FAM161A: variants seen among roughly 807,000 people sequenced by gnomAD.
FAM161A encodes protein FAM161A.
A neutral mutation model predicts 70.9 loss-of-function variants in FAM161A; 57 were observed. The observed-to-expected ratio is 0.80, with a 90% CI of 0.65 to 1.00. FAM161A has a LOEUF of 1.00. FAM161A is among the 50% of genes least tolerant of loss of function. The pLI, the probability that FAM161A is intolerant of heterozygous loss-of-function variation, is 0.00. For missense variants in FAM161A, 880 were observed against 836.0 expected, an observed-to-expected ratio of 1.05 and a Z score of -0.65; for synonymous variants, 299 against 295.7, an observed-to-expected ratio of 1.01 and a Z score of -0.12.
chr2:61,803,216 T>C, the FAM161A span: 3 of 580,762 alleles, frequency 5.2e-6, no homozygotes, highest in South Asian at 1.5e-5. Context: ...CTAGCCAAAA[T>C]GTATAAGACC....
chr2:61,845,796 A>T (rs917430496), intron 1 of FAM161A, among the ~76,000 whole-genome samples: 1 of 147,370 alleles, frequency 6.8e-6, no homozygotes, highest in African/African-American at 2.5e-5. Flanking sequence ...CCTTGTATCA[A>T]GAAAAAAGAA....
intron 5 of FAM161A, 100 bp from the exon 6 acceptor site, chr2:61,827,358 C>A: frequency 8.3e-7 from 1 of 1,205,030 alleles, no homozygotes; most frequent in Non-Finnish European, 1.2e-6. Flanking sequence ...CGCCTGTAAT[C>A]CCAGTGCTTT....
At chr2:61,816,273 T>C in the FAM161A span, among the ~76,000 whole-genome samples, 2 of 152,146 alleles carry the variant, frequency 1.3e-5, no homozygotes, top group African/African-American at 4.8e-5. Flanking sequence ...CTTTATTTAT[T>C]ACCTTACATT....
At chr2:61,812,492 C>T in the FAM161A span, among the ~76,000 whole-genome samples, 8 of 152,040 alleles carry the variant, frequency 5.3e-5, no homozygotes, top group South Asian at 2.1e-4. Context: ...GAGGCCAAGG[C>T]GGGTGGATCA....
the FAM161A span, chr2:61,803,217 G>A: frequency 6.8e-6 from 4 of 585,652 alleles, no homozygotes; most frequent in African/African-American, 5.6e-5. Context: ...TAGCCAAAAT[G>A]TATAAGACCA....
chr2:61,817,275 G>A, the FAM161A span, among the ~76,000 whole-genome samples: 4 of 152,036 alleles, frequency 2.6e-5, no homozygotes, highest in East Asian at 1.9e-4. Flanking sequence ...ACAGACAAGC[G>A]GCTTTAAAAG....
chr2:61,818,706 T>C, the FAM161A span, among the ~76,000 whole-genome samples: 1 of 152,154 alleles, frequency 6.6e-6, no homozygotes, highest in Non-Finnish European at 1.5e-5. Context: ...TCAGCTAATA[T>C]AGAACACATA....
At chr2:61,801,936 A>T in the FAM161A span, among the ~76,000 whole-genome samples, 2 of 152,202 alleles carry the variant, frequency 1.3e-5, no homozygotes, top group South Asian at 2.1e-4. Flanking sequence ...TAAAAAACAA[A>T]ACAAACACAA....
intron 5 of FAM161A, among the ~76,000 whole-genome samples, chr2:61,834,969 TC>T (rs1672719278): frequency 6.6e-6 from 1 of 152,060 alleles, no homozygotes; most frequent in South Asian, 2.1e-4. Flanking sequence ...AAATGATTTT[TC>T]CCCCTAAAGT....
At chr2:61,806,928 A>C in the FAM161A span, among the ~76,000 whole-genome samples, 183 of 152,086 alleles carry the variant, frequency 1.2e-3, no homozygotes, top group African/African-American at 4.2e-3. Context: ...TCCTGACCTC[A>C]TGATCCACCT....
the FAM161A span, among the ~76,000 whole-genome samples, chr2:61,806,117 C>T: frequency 6.6e-6 from 1 of 152,004 alleles, no homozygotes; most frequent in African/African-American, 2.4e-5. Flanking sequence ...ATTCAGGAGG[C>T]TGAGGCAGGA....
intron 1 of FAM161A, among the ~76,000 whole-genome samples, chr2:61,843,319 G>T (rs892231812): frequency 6.6e-6 from 1 of 152,096 alleles, no homozygotes. Flanking sequence ...TAGAGACGGG[G>T]TTTCACCATG....
intron 3 of FAM161A, 57 bp from the exon 4 acceptor site, chr2:61,838,762 C>A: frequency 7.7e-7 from 1 of 1,305,264 alleles, no homozygotes; most frequent in South Asian, 2.3e-5. Flanking sequence ...TGTTGTTTAG[C>A]AAAGATTTAA....
At chr2:61,830,108 T>C (rs1438804126) in intron 5 of FAM161A, among the ~76,000 whole-genome samples, 1 of 152,214 alleles carries the variant, frequency 6.6e-6, no homozygotes, top group East Asian at 1.9e-4. Context: ...AATGGATGAT[T>C]GTCCCTGTTA....
At position 61,837,667 on chromosome 2, in the gene FAM161A, G is replaced by A. The variant is rs567863292; in HGVS notation, c.1751+871C>T. Among the ~76,000 whole-genome samples the A allele has an allele frequency of 7.2e-4, 109 of 152,286 alleles. 1 individual carries two copies. The highest frequency in any genetic ancestry group is 2.2e-3 in the African/African-American group (91 of 41,568). ...ACCTGTAATCCCAGCTACTCTGTAA[G>A]CTGAGGCAGGAGAATCGCTTGAACT... On this transcript the variant is annotated intron_variant, in intron 4 of 6. Transcript: ENST00000404929.
intron 1 of FAM161A, among the ~76,000 whole-genome samples, chr2:61,848,838 T>TTTATATATATATATTTA (rs1558491464): frequency 4.0e-5 from 1 of 25,240 alleles, no homozygotes; most frequent in Non-Finnish European, 7.7e-5. Flanking sequence ...CTATATATAT[T>TTTATATATATATATTTA]TATATATATA....
At position 61,839,474 on chromosome 2, in the gene FAM161A, GTTACA is replaced by G. The variant is rs766501113; in HGVS notation, c.1525_1529del (p.Cys509LeufsTer22). 1 of 1,614,214 alleles carries G rather than the reference GTTACA, an allele frequency of 6.2e-7. No individual in the cohort carries two copies. Among genetic ancestry groups the G allele is most frequent in the Admixed American group, 1.7e-5 (1 of 60,024 alleles). ...ATACCGTGGGCACGGGAGGGTTGCA[GTTACA>G]AGGCACAGGGTTTACACCTGCACAT... On this transcript the variant is annotated frameshift_variant, in exon 3 of 7. Coordinates refer to ENST00000404929, the MANE Select transcript of FAM161A (RefSeq NM_001201543.2). LOFTEE classifies it high-confidence loss of function.
At chr2:61,806,186 C>T in the FAM161A span, among the ~76,000 whole-genome samples, 1 of 151,914 alleles carries the variant, frequency 6.6e-6, no homozygotes, top group Non-Finnish European at 1.5e-5. Flanking sequence ...CTACTGCACT[C>T]AAGCCTGGGC....
At chr2:61,819,885 TGAGA>T (rs1352273141), downstream of FAM161A, among the ~76,000 whole-genome samples, 5 of 152,200 alleles carry the variant, frequency 3.3e-5, no homozygotes, top group Non-Finnish European at 7.4e-5. Flanking sequence ...GTTATTTGCT[TGAGA>T]AAGGCTCATT....
Sources: gnomAD v4.1 joint callset for allele counts (sites outside exome capture counted in the v4.1 genomes callset) on GRCh38, gnomAD v4.1.1 for gene constraint, MANE v1.5 for transcripts, NCBI Gene and HGNC (gene_info 2026-07-23, HGNC 2026-07-21) for gene names.